Variants in CEP70 observed in about 807,000 individuals in gnomAD.
CEP70 encodes centrosomal protein of 70 kDa.
Under a neutral mutation model 90.9 loss-of-function variants are expected in CEP70, and 70 were observed. The ratio of observed to expected loss-of-function variants is 0.77; its 90% CI spans 0.64 to 0.94. The LOEUF is 0.94. Among genes scored for constraint, CEP70 ranks in the 40% least tolerant of loss-of-function variants. The pLI is 0.00. For synonymous variants in CEP70, 220 were observed against 228.3 expected (o/e 0.96, Z 0.33); for missense variants, 648 against 669.0 (o/e 0.97, Z 0.35).
intron 6 of CEP70, among the ~76,000 whole-genome samples, chr3:138,542,085 T>A (rs915706768): frequency 6.6e-6 from 1 of 152,180 alleles, no homozygotes. Flanking sequence ...CCAGACCCCA[T>A]GCCTGCTAAG....
intron 6 of CEP70, among the ~76,000 whole-genome samples, chr3:138,547,696 A>T (rs2107916724): frequency 6.6e-6 from 1 of 152,270 alleles, no homozygotes; most frequent in East Asian, 1.9e-4. Flanking sequence ...CCTGAAAATA[A>T]GTACTGTGAT....
In CEP70 at chr3:138,500,398, C is replaced by G. The variant is rs759087114; in HGVS notation, c.1537+1G>C. 5.1e-6 allele frequency: 8 copies of G among 1,578,046 alleles called. No homozygotes were observed. The highest frequency in any genetic ancestry group is 6.8e-6 in the Non-Finnish European group (8 of 1,168,524). On this transcript the variant is annotated splice_donor_variant, in intron 15 of 17. Transcript: ENST00000264982. LOFTEE classifies it high-confidence loss of function. ...CCCAAAATGACAAATTAGGTCATCA[C>G]CTAATTCTAAGAGTTCTTGGAGGTT...
intron 16 of CEP70, 45 bp downstream of exon 16, chr3:138,500,065 C>A: frequency 2.2e-6 from 3 of 1,337,228 alleles, no homozygotes; most frequent in Non-Finnish European, 2.2e-6. Flanking sequence ...TGCCACCACA[C>A]CCAGCCATTC....
intron 2 of CEP70, among the ~76,000 whole-genome samples, chr3:138,582,745 C>A (rs1245346758): frequency 6.6e-6 from 1 of 151,952 alleles, no homozygotes; most frequent in Admixed American, 6.6e-5. Flanking sequence ...GCCTGGGTGA[C>A]AGAACTAGAC....
In CEP70 at chr3:138,571,147, AATG is replaced by A. The variant is rs762028285; in HGVS notation, c.168_170del (p.Ile57del). The A allele has an allele frequency of 1.3e-5, 20 of 1,595,326 alleles. No individual in the cohort carries two copies. The East Asian group carries it at 4.5e-4, about 36-fold the overall frequency. On this transcript the variant is annotated inframe_deletion, in exon 5 of 18. Coordinates refer to ENST00000264982, the MANE Select transcript of CEP70 (RefSeq NM_024491.4). Reference sequence around the variant, plus strand: ...TCCTTTGTGATGACTGTTTGTCAAAAATGATGAGATCTACATTTAAAAAGTATA... The same window carrying A: ...TCCTTTGTGATGACTGTTTGTCAAAAATGAGATCTACATTTAAAAAGTATA...
chr3:138,509,372 T>C (rs1030801089), intron 11 of CEP70, among the ~76,000 whole-genome samples: 2 of 152,164 alleles, frequency 1.3e-5, no homozygotes, highest in African/African-American at 4.8e-5. Context: ...TGGCAATGCC[T>C]GGGCCAGTCA....
chr3:138,560,864 C>A (rs909107812), intron 6 of CEP70, among the ~76,000 whole-genome samples: 2 of 152,140 alleles, frequency 1.3e-5, no homozygotes, highest in African/African-American at 4.8e-5. Flanking sequence ...AAGGCAGCAG[C>A]CCCAGTCAGG....
At chr3:138,543,110 AGCCTG>A (rs1417819441) in intron 6 of CEP70, among the ~76,000 whole-genome samples, 14 of 152,328 alleles carry the variant, frequency 9.2e-5, no homozygotes, top group African/African-American at 2.9e-4. Context: ...TGGCACTGGC[AGCCTG>A]GCCTCCAGGC....
chr3:138,524,503 A>C (rs1374754805), intron 11 of CEP70, among the ~76,000 whole-genome samples: 1 of 152,216 alleles, frequency 6.6e-6, no homozygotes, highest in East Asian at 1.9e-4. Context: ...AAATTTTTGC[A>C]ATCTACTCAT....
At chr3:138,540,334 A>G (rs1000240548) in intron 6 of CEP70, among the ~76,000 whole-genome samples, 40 of 152,052 alleles carry the variant, frequency 2.6e-4, no homozygotes, top group African/African-American at 9.4e-4. Flanking sequence ...CTCTCTACTA[A>G]AAGTAAATTA....
chr3:138,504,744 C>CA (rs2034822140), intron 13 of CEP70, among the ~76,000 whole-genome samples: 1 of 152,054 alleles, frequency 6.6e-6, no homozygotes, highest in Non-Finnish European at 1.5e-5. Flanking sequence ...TGTGGTCTTC[C>CA]ATGAAGAGAT....
intron 2 of CEP70, among the ~76,000 whole-genome samples, chr3:138,587,830 A>G (rs1236156762): frequency 1.3e-5 from 2 of 152,182 alleles, no homozygotes; most frequent in Non-Finnish European, 2.9e-5. Context: ...GACTAATACT[A>G]TATCATTTCA....
chr3:138,535,200 C>T (rs1244251767), intron 7 of CEP70, among the ~76,000 whole-genome samples: 1 of 152,224 alleles, frequency 6.6e-6, no homozygotes, highest in African/African-American at 2.4e-5. Context: ...GTCCCAAACA[C>T]ATTCACTTTT....
At chr3:138,507,129 T>TAAAAC (rs1479054154) in intron 12 of CEP70, among the ~76,000 whole-genome samples, 1 of 152,126 alleles carries the variant, frequency 6.6e-6, no homozygotes, top group Non-Finnish European at 1.5e-5. Flanking sequence ...CAAGAAAGTC[T>TAAAAC]AAAACAAAAC....
At chr3:138,563,160 A>G (rs2040531848) in intron 6 of CEP70, among the ~76,000 whole-genome samples, 1 of 152,186 alleles carries the variant, frequency 6.6e-6, no homozygotes, top group Non-Finnish European at 1.5e-5. Context: ...TATCCTAAAT[A>G]TATATGCACC....
At chr3:138,541,868 A>G (rs915826646) in intron 6 of CEP70, among the ~76,000 whole-genome samples, 3 of 152,300 alleles carry the variant, frequency 2.0e-5, no homozygotes, top group Middle Eastern at 3.4e-3. Context: ...CCAAAAATAC[A>G]AAAAGTTAGC....
At chr3:138,501,098 T>A (rs1462706408) in intron 13 of CEP70, among the ~76,000 whole-genome samples, 1 of 151,906 alleles carries the variant, frequency 6.6e-6, no homozygotes, top group Non-Finnish European at 1.5e-5. Context: ...TAAAATTAGG[T>A]TTCTCCAGGT....
At chr3:138,569,680 T>C (rs1576881650) in intron 6 of CEP70, among the ~76,000 whole-genome samples, 1 of 152,166 alleles carries the variant, frequency 6.6e-6, no homozygotes, top group East Asian at 1.9e-4. Context: ...CCAGCCTAGG[T>C]AACATGGCAA....
At chr3:138,536,563 C>T (rs537210) in intron 7 of CEP70, among the ~76,000 whole-genome samples, 75,639 of 151,606 alleles carry the variant, frequency 0.5, 19,419 homozygotes, top group African/African-American at 0.61. Flanking sequence ...AAATTTAAAT[C>T]TCATTCAGTA....
Sources: gnomAD v4.1 joint callset for allele counts (sites outside exome capture counted in the v4.1 genomes callset) on GRCh38, gnomAD v4.1.1 for gene constraint, MANE v1.5 for transcripts, NCBI Gene and HGNC (gene_info 2026-07-23, HGNC 2026-07-21) for gene names.